NAV3: variants seen among roughly 807,000 people sequenced by gnomAD.
NAV3 encodes neuron navigator 3, also known as pore membrane and/or filament interacting like protein 1.
Under a neutral mutation model 244.7 loss-of-function variants are expected in NAV3, and 87 were observed. The ratio of observed to expected loss-of-function variants is 0.36; its 90% CI spans 0.30 to 0.42. The LOEUF is 0.42. Ranked by LOEUF, NAV3 falls within the 20% of genes least tolerant of loss-of-function variation. The pLI is 1.00. For synonymous variants in NAV3, 1,126 were observed against 1,042.2 expected, an observed-to-expected ratio of 1.08 and a Z score of -1.55; for missense variants, 2,663 against 2,893.3, an observed-to-expected ratio of 0.92 and a Z score of 1.83.
intron 38 of NAV3, among the ~76,000 whole-genome samples, chr12:78,201,091 G>A (rs1341339853): frequency 8.1e-5 from 2 of 24,646 alleles, no homozygotes; most frequent in Non-Finnish European, 1.3e-4. Context: ...TTTTTTTTTT[G>A]AGACAGGGTC....
chr12:78,025,140 T>A (rs1254877255), intron 9 of NAV3, among the ~76,000 whole-genome samples: 1 of 152,194 alleles, frequency 6.6e-6, no homozygotes, highest in Admixed American at 6.5e-5. Flanking sequence ...ACTGCTCTTA[T>A]TGAAGTCACC....
intron 28 of NAV3, among the ~76,000 whole-genome samples, chr12:78,178,317 A>G (rs1958341728): frequency 6.6e-6 from 1 of 151,534 alleles, no homozygotes; most frequent in East Asian, 2.0e-4. Context: ...GCACCACCAC[A>G]CCTGGCTAAT....
intron 12 of NAV3, among the ~76,000 whole-genome samples, chr12:78,088,193 TTAACA>T (rs1443390701): frequency 3.9e-5 from 6 of 151,928 alleles, no homozygotes; most frequent in Non-Finnish European, 7.4e-5. Context: ...AAGTATACAA[TTAACA>T]TAATATATAA....
chr12:77,745,376 G>A (rs1868482726), intron 2 of NAV3, among the ~76,000 whole-genome samples: 1 of 152,066 alleles, frequency 6.6e-6, no homozygotes. Flanking sequence ...AGACAATGAT[G>A]AAGGAGCAAA....
intron 2 of NAV3, among the ~76,000 whole-genome samples, chr12:77,613,735 C>A (rs965054722): frequency 1.3e-5 from 2 of 152,114 alleles, no homozygotes; most frequent in Admixed American, 6.6e-5. Context: ...CACACACTGC[C>A]ATTTGTTTTT....
chr12:77,835,989 G>C (rs1267090750), intron 1 of NAV3, among the ~76,000 whole-genome samples: 1 of 152,104 alleles, frequency 6.6e-6, no homozygotes. Flanking sequence ...TATGCAGTTG[G>C]AAAATCCTCC....
At chr12:78,025,595 CAAAAAA>C (rs1186694789) in intron 9 of NAV3, among the ~76,000 whole-genome samples, 7,593 of 54,836 alleles carry the variant, frequency 0.14, 116 homozygotes, top group Non-Finnish European at 0.18. Context: ...GACTCCATCT[CAAAAAA>C]AAAAAAAAAA....
intron 2 of NAV3, among the ~76,000 whole-genome samples, chr12:77,696,373 A>G (rs902636904): frequency 2.6e-5 from 4 of 152,194 alleles, no homozygotes; most frequent in Non-Finnish European, 4.4e-5. Flanking sequence ...GTGGTGAGAA[A>G]GTAAAAGAGA....
intron 1 of NAV3, among the ~76,000 whole-genome samples, chr12:77,923,541 A>G (rs1220382965): frequency 6.6e-6 from 1 of 152,190 alleles, no homozygotes; most frequent in Non-Finnish European, 1.5e-5. Flanking sequence ...TCTTCTGTAG[A>G]TTTGTAAAGT....
chr12:77,884,614 T>C (rs1883061675), intron 1 of NAV3, among the ~76,000 whole-genome samples: 4 of 152,164 alleles, frequency 2.6e-5, no homozygotes, highest in Admixed American at 2.6e-4. Flanking sequence ...TTGCCTTTTG[T>C]GTTCTCTCAT....
intron 24 of NAV3, among the ~76,000 whole-genome samples, chr12:78,172,981 T>G (rs377854): frequency 6.6e-6 from 1 of 151,626 alleles, no homozygotes; most frequent in Non-Finnish European, 1.5e-5. Flanking sequence ...CTATACTTGC[T>G]GTAAAGTTTA....
chr12:78,118,374 C>T (rs1387250060), intron 14 of NAV3, 77 bp downstream of exon 14: 2 of 1,490,740 alleles, frequency 1.3e-6, no homozygotes, highest in African/African-American at 1.4e-5. Context: ...TTTTCTCTAA[C>T]AATAGCATTT....
chr12:77,611,218 T>A (rs1252949054), intron 2 of NAV3, among the ~76,000 whole-genome samples: 1 of 151,978 alleles, frequency 6.6e-6, no homozygotes, highest in African/African-American at 2.4e-5. Context: ...TAGCAAAATC[T>A]CCATCCTGAC....
intron 12 of NAV3, among the ~76,000 whole-genome samples, chr12:78,066,287 A>AG (rs1291896805): frequency 1.3e-5 from 2 of 152,114 alleles, no homozygotes; most frequent in African/African-American, 4.8e-5. Flanking sequence ...GTTGATTAGA[A>AG]GGTTTTTACC....
At position 77,875,575 on chromosome 12, in the gene NAV3, A is replaced by C. The variant is rs567372903; in HGVS notation, c.243+43871A>C. ...CAAACAATAAATATTTGTTAAATTA[A>C]TGAATTTATGAATGTATGAATACAT... On this transcript the variant is annotated intron_variant, in intron 1 of 39. Coordinates refer to ENST00000397909, the MANE Select transcript of NAV3 (RefSeq NM_001024383.2). Among the ~76,000 whole-genome samples the C allele has an allele frequency of 2.0e-5, 3 of 152,190 alleles. No homozygotes were observed. In the South Asian group the frequency reaches 6.2e-4, roughly 32 times the overall value.
chr12:77,752,694 A>G (rs1868922296), intron 2 of NAV3, among the ~76,000 whole-genome samples: 1 of 152,138 alleles, frequency 6.6e-6, no homozygotes, highest in Non-Finnish European at 1.5e-5. Flanking sequence ...TCAACTGTAA[A>G]ATGAGATATT....
chr12:78,134,601 G>A (rs940188581), intron 18 of NAV3, among the ~76,000 whole-genome samples: 1 of 152,116 alleles, frequency 6.6e-6, no homozygotes, highest in Non-Finnish European at 1.5e-5. Context: ...TAAGAACCCA[G>A]TCCAGCCAGA....
intron 2 of NAV3, among the ~76,000 whole-genome samples, chr12:77,697,972 G>T (rs1875389645): frequency 6.6e-6 from 1 of 152,134 alleles, no homozygotes; most frequent in South Asian, 2.1e-4. Context: ...ACAGCATTAT[G>T]CAAGAACATG....
chr12:78,069,786 G>A (rs1316710736), intron 12 of NAV3, among the ~76,000 whole-genome samples: 1 of 151,854 alleles, frequency 6.6e-6, no homozygotes, highest in East Asian at 1.9e-4. Context: ...CTCACATATC[G>A]TGTGTGTATG....
Sources: gnomAD v4.1 joint callset for allele counts (sites outside exome capture counted in the v4.1 genomes callset) on GRCh38, gnomAD v4.1.1 for gene constraint, MANE v1.5 for transcripts, NCBI Gene and HGNC (gene_info 2026-07-23, HGNC 2026-07-21) for gene names.